The following GSK3B variants were observed in gnomAD, a reference collection of about 807,000 sequenced individuals.
GSK3B encodes the protein glycogen synthase kinase 3 beta.
GSK3B carries 15 observed loss-of-function variants against 56.4 expected under a neutral mutation model. The ratio of observed to expected loss-of-function variants is 0.27; its 90% CI spans 0.18 to 0.41. The LOEUF is 0.41. Among genes scored for constraint, GSK3B ranks in the 10% least tolerant of loss-of-function variants. GSK3B has a pLI of 1.00. For synonymous variants in GSK3B, 181 were observed against 188.9 expected (o/e 0.96, Z 0.34); for missense variants, 300 against 513.4 (o/e 0.58, Z 4.02).
chr3:119,938,087 TAACA>T (rs1474883419), intron 3 of GSK3B, among the ~76,000 whole-genome samples: 4 of 152,162 alleles, frequency 2.6e-5, no homozygotes, highest in East Asian at 3.9e-4. Flanking sequence ...CAGACGATCT[TAACA>T]AACATACACA....
At chr3:120,090,229 A>G (rs764724919) in intron 1 of GSK3B, among the ~76,000 whole-genome samples, 2 of 101,440 alleles carry the variant, frequency 2.0e-5, no homozygotes, top group Non-Finnish European at 3.5e-5. Flanking sequence ...GAAGCTGTAT[A>G]TAAAAAAAAA....
At chr3:120,007,209 C>T (rs1373713633) in intron 1 of GSK3B, among the ~76,000 whole-genome samples, 5 of 151,954 alleles carry the variant, frequency 3.3e-5, no homozygotes, top group Admixed American at 2.6e-4. Context: ...CAAGACTAAA[C>T]CAGGAAGTCG....
intron 3 of GSK3B, among the ~76,000 whole-genome samples, chr3:119,942,748 T>C (rs1419640811): frequency 6.6e-6 from 1 of 152,154 alleles, no homozygotes; most frequent in East Asian, 1.9e-4. Flanking sequence ...ATTGGGGATG[T>C]AGAAAGTTTC....
At chr3:119,908,039 C>T (rs1431432447) in intron 6 of GSK3B, among the ~76,000 whole-genome samples, 2 of 152,146 alleles carry the variant, frequency 1.3e-5, no homozygotes, top group African/African-American at 4.8e-5. Context: ...AACAGTTACT[C>T]TTTCATTTCA....
At position 119,821,411 on chromosome 3, in the gene GSK3B, A is replaced by T. The variant is rs2055406733; in HGVS notation, c.*5377T>A. 1 of 152,270 alleles carries T rather than the reference A, an allele frequency of 6.6e-6. No homozygotes were observed. The highest frequency in any genetic ancestry group is 2.4e-5 in the African/African-American group (1 of 41,468). 9.4% of individuals were successfully genotyped at this position (152,270 alleles called of 1,614,324 possible). A position where few individuals can be genotyped will look rare whatever the true frequency, so the allele number is the denominator to read the frequency against. The stretch of plus-strand genomic sequence containing the variant: ...GCCTGACAGAGTGAGCCAGCCCTAA[A>T]AAAATGATGTTTCTTTTTGCACTAA... On this transcript the variant is annotated 3_prime_UTR_variant, in exon 11 of 11. Transcript: ENST00000264235.
At chr3:119,892,224 G>T (rs2056510806) in intron 7 of GSK3B, among the ~76,000 whole-genome samples, 2 of 152,052 alleles carry the variant, frequency 1.3e-5, no homozygotes, top group South Asian at 4.1e-4. Flanking sequence ...TTAAAATCCT[G>T]CAATTGCTTC....
chr3:119,982,235 G>T (rs2057470277), intron 2 of GSK3B, among the ~76,000 whole-genome samples: 2 of 152,152 alleles, frequency 1.3e-5, no homozygotes, highest in Non-Finnish European at 2.9e-5. Flanking sequence ...AACGAAGGTA[G>T]ATAAAACCAC....
intron 9 of GSK3B, among the ~76,000 whole-genome samples, chr3:119,860,323 G>A (rs2056085497): frequency 6.6e-6 from 1 of 152,156 alleles, no homozygotes; most frequent in Non-Finnish European, 1.5e-5. Context: ...TAGAAAGAAG[G>A]GGGTGTGCCA....
At chr3:119,914,970 A>G (rs926309086) in intron 5 of GSK3B, among the ~76,000 whole-genome samples, 4 of 152,086 alleles carry the variant, frequency 2.6e-5, no homozygotes, top group Admixed American at 2.0e-4. Context: ...GAGAATCCAA[A>G]TTATGTAAAG....
chr3:119,948,775 T>A (rs974363648), intron 2 of GSK3B, among the ~76,000 whole-genome samples: 1 of 152,190 alleles, frequency 6.6e-6, no homozygotes, highest in Non-Finnish European at 1.5e-5. Flanking sequence ...CTCGGCTCAT[T>A]GCAACCTTTG....
intron 1 of GSK3B, among the ~76,000 whole-genome samples, chr3:120,060,076 C>T (rs1340520563): frequency 6.6e-6 from 1 of 152,170 alleles, no homozygotes; most frequent in African/African-American, 2.4e-5. Flanking sequence ...TCTGGGAATA[C>T]ACAATGAACC....
intron 3 of GSK3B, among the ~76,000 whole-genome samples, chr3:119,932,057 G>C (rs186762287): frequency 1.6e-3 from 250 of 152,160 alleles, no homozygotes; most frequent in Non-Finnish European, 3.0e-3. Context: ...CCTACCTTTG[G>C]AAAACACATT....
At chr3:119,870,781 GA>G (rs1278943404) in intron 8 of GSK3B, among the ~76,000 whole-genome samples, 2 of 152,160 alleles carry the variant, frequency 1.3e-5, no homozygotes, top group Admixed American at 6.5e-5. Flanking sequence ...GTTCAGGGCA[GA>G]GGGGGGTTGA....
At chr3:119,912,163 G>C (rs1195686376) in intron 6 of GSK3B, among the ~76,000 whole-genome samples, 2 of 152,062 alleles carry the variant, frequency 1.3e-5, no homozygotes, top group African/African-American at 4.8e-5. Flanking sequence ...TTTCAATATT[G>C]TTGTCTCTCA....
At chr3:120,010,769 T>G (rs939462077) in intron 1 of GSK3B, among the ~76,000 whole-genome samples, 2 of 151,940 alleles carry the variant, frequency 1.3e-5, no homozygotes, top group Non-Finnish European at 2.9e-5. Context: ...AATAAATAAA[T>G]AAATAAATAA....
chr3:119,946,733 G>C (rs528721093), intron 3 of GSK3B, among the ~76,000 whole-genome samples: 1 of 152,106 alleles, frequency 6.6e-6, no homozygotes, highest in African/African-American at 2.4e-5. Flanking sequence ...CTTTGGTTTC[G>C]CAGAATTCAA....
intron 4 of GSK3B, among the ~76,000 whole-genome samples, chr3:119,921,217 A>G (rs1489460673): frequency 6.6e-6 from 1 of 152,246 alleles, no homozygotes; most frequent in African/African-American, 2.4e-5. Flanking sequence ...AAGAAAAGGG[A>G]TCAAATACAT....
chr3:120,082,654 A>C lies in GSK3B; in HGVS notation c.88+10693T>G, dbSNP rs568309388. Among the ~76,000 whole-genome samples, 55 of 151,992 alleles carry C rather than the reference A, an allele frequency of 3.6e-4. No homozygotes were observed. In the South Asian group the frequency reaches 4.4e-3, roughly 12 times the overall value. ...CGTGATCCACCCGCCTCGGTCTCCC[A>C]ATGTGCTGGGATTACAGGCATGAGC... is the stretch of plus-strand genomic sequence containing the variant. On this transcript the variant is annotated intron_variant, in intron 1 of 10. Coordinates refer to ENST00000264235, the MANE Select transcript of GSK3B (RefSeq NM_001146156.2).
At chr3:119,951,942 T>C (rs760608235) in intron 2 of GSK3B, among the ~76,000 whole-genome samples, 1 of 150,772 alleles carries the variant, frequency 6.6e-6, no homozygotes, top group East Asian at 1.9e-4. Context: ...AAGAAAATAT[T>C]TGAGATGGCA....
Sources: allele counts gnomAD v4.1 joint callset (sites outside exome capture counted in the v4.1 genomes callset), GRCh38; gene constraint gnomAD v4.1.1; transcripts MANE v1.5; gene names NCBI Gene and HGNC (gene_info 2026-07-23, HGNC 2026-07-21).